FBXL20: variants seen among roughly 807,000 people sequenced by gnomAD.
FBXL20 encodes the protein F-box and leucine rich repeat protein 20.
A neutral mutation model predicts 64.0 loss-of-function variants in FBXL20; 11 were observed. That is an observed-to-expected ratio of 0.17 (90% CI 0.11 to 0.28). The LOEUF (loss-of-function observed/expected upper bound fraction) is 0.28, where lower values mean the gene tolerates loss of function less well. Among genes scored for constraint, FBXL20 ranks in the 10% least tolerant of loss-of-function variants. The pLI is 1.00. For missense variants in FBXL20, 303 were observed against 526.2 expected (o/e 0.58, Z 4.15); for synonymous variants, 184 against 189.0 (o/e 0.97, Z 0.22).
At chr17:39,350,894 T>A (rs1282199251) in intron 1 of FBXL20, among the ~76,000 whole-genome samples, 1 of 152,072 alleles carries the variant, frequency 6.6e-6, no homozygotes, top group Admixed American at 6.6e-5. Context: ...TGGGGCAATC[T>A]CTATTTTAAC....
At chr17:39,394,587 C>T (rs1339311911) in intron 1 of FBXL20, among the ~76,000 whole-genome samples, 2 of 146,808 alleles carry the variant, frequency 1.4e-5, no homozygotes, top group African/African-American at 2.5e-5. Context: ...TTTTTTAAGA[C>T]GGAGTCTCAT....
chr17:39,347,507 C>T (rs1399650854), intron 1 of FBXL20, among the ~76,000 whole-genome samples: 2 of 152,150 alleles, frequency 1.3e-5, no homozygotes, highest in Admixed American at 1.3e-4. Context: ...AGTGTCTGTT[C>T]ATATCCTTTG....
At chr17:39,289,998 CAAAAAAAAAAAAA>C (rs368530587) in intron 6 of FBXL20, among the ~76,000 whole-genome samples, 1,288 of 41,894 alleles carry the variant, frequency 0.031, 41 homozygotes, top group African/African-American at 0.088. Flanking sequence ...GACTCAGTCT[CAAAAAAAAAAAAA>C]AAAAAAAAAA....
Position 39,391,366 on chromosome 17 carries a change from C to T in FBXL20, c.42+9995G>A, listed in dbSNP as rs923994949. 7.3e-4 allele frequency among the ~76,000 whole-genome samples: 110 copies of T among 151,634 alleles called. 1 individual carries two copies. The highest frequency in any genetic ancestry group is 2.5e-3 in the African/African-American group (104 of 41,360). The stretch of plus-strand genomic sequence containing the variant: ...GCTTTTCTTTAATAGCAGATGTAAG[C>T]AAAGAAATCTAAGAACACTGGCAAT... On this transcript the variant is annotated intron_variant, in intron 1 of 14. Transcript: ENST00000264658.
chr17:39,337,034 G>C (rs1947697991), intron 2 of FBXL20, among the ~76,000 whole-genome samples: 2 of 150,802 alleles, frequency 1.3e-5, no homozygotes, highest in South Asian at 4.2e-4. Flanking sequence ...CTCTGATGCT[G>C]AGCCGAAGCT....
Position 39,256,884 on chromosome 17 carries a change from C to T in FBXL20, c.*4576G>A, listed in dbSNP as rs1169146237. The T allele has an allele frequency of 6.6e-6, 1 of 152,216 alleles. No homozygotes were observed. Among genetic ancestry groups the T allele is most frequent in the African/African-American group, 2.4e-5 (1 of 41,456 alleles). 9.4% of individuals were successfully genotyped at this position (152,216 alleles called of 1,614,324 possible). A position where few individuals can be genotyped will look rare whatever the true frequency, so the allele number is the denominator to read the frequency against. ...TCTTCTTTCCAGTGACACTCTCACA[C>T]TTTCTAACAACTTCAAACCAAGACA... On this transcript the variant is annotated 3_prime_UTR_variant, in exon 15 of 15. Coordinates refer to ENST00000264658, the MANE Select transcript of FBXL20 (RefSeq NM_032875.3).
chr17:39,373,580 G>C (rs534581855), intron 1 of FBXL20, among the ~76,000 whole-genome samples: 1 of 152,308 alleles, frequency 6.6e-6, no homozygotes, highest in South Asian at 2.1e-4. Context: ...GCAAGGATGA[G>C]GAATGCTTTT....
chr17:39,296,204 G>A (rs754992724), intron 6 of FBXL20, among the ~76,000 whole-genome samples: 1 of 152,006 alleles, frequency 6.6e-6, no homozygotes, highest in Non-Finnish European at 1.5e-5. Context: ...AGTAATGGTG[G>A]GGGAAGAGGT....
chr17:39,311,071 G>A (rs746271829), intron 2 of FBXL20, among the ~76,000 whole-genome samples: 1 of 152,026 alleles, frequency 6.6e-6, no homozygotes, highest in Non-Finnish European at 1.5e-5. Context: ...AGAGGCCAAG[G>A]TGGGAGGATC....
chr17:39,392,993 C>CAA (rs1234770475), intron 1 of FBXL20, among the ~76,000 whole-genome samples: 1 of 123,378 alleles, frequency 8.1e-6, no homozygotes, highest in Non-Finnish European at 1.7e-5. Context: ...AACTCCATCT[C>CAA]AAAAAAAAAA....
intron 11 of FBXL20, among the ~76,000 whole-genome samples, chr17:39,270,427 C>T (rs2046833806): frequency 6.6e-6 from 1 of 151,998 alleles, no homozygotes; most frequent in African/African-American, 2.4e-5. Flanking sequence ...GCTTGTAATC[C>T]CAGCTACTCG....
intron 1 of FBXL20, among the ~76,000 whole-genome samples, chr17:39,371,507 T>C (rs2047918270): frequency 6.6e-6 from 1 of 152,218 alleles, no homozygotes; most frequent in African/African-American, 2.4e-5. Flanking sequence ...ACTAATTGTA[T>C]AGACTTCTCA....
chr17:39,277,310 G>T (rs757049976), intron 9 of FBXL20, among the ~76,000 whole-genome samples: 1 of 152,182 alleles, frequency 6.6e-6, no homozygotes, highest in African/African-American at 2.4e-5. Flanking sequence ...AAAGAGGGAA[G>T]TAAGAATCAA....
rs1458054605 is a variant in FBXL20 at position 39,379,648 on chromosome 17, G to A, written c.42+21713C>T. ...TAAAAAAAATTAGCTGGGCGTGGTG[G>A]TACCCATCTGCCACTTAGCTACTTG... On this transcript the variant is annotated intron_variant, in intron 1 of 14. Transcript: ENST00000264658. Among the ~76,000 whole-genome samples the A allele has an allele frequency of 2.6e-5, 4 of 151,652 alleles. No individual in the cohort carries two copies. In the East Asian group the frequency reaches 7.8e-4, roughly 29 times the overall value.
intron 4 of FBXL20, among the ~76,000 whole-genome samples, chr17:39,300,055 C>A (rs959148507): frequency 6.6e-6 from 1 of 152,214 alleles, no homozygotes; most frequent in Non-Finnish European, 1.5e-5. Context: ...TGAGACCGCA[C>A]CACTGCACTC....
At chr17:39,314,143 G>A (rs994038633) in intron 2 of FBXL20, among the ~76,000 whole-genome samples, 1 of 152,054 alleles carries the variant, frequency 6.6e-6, no homozygotes, top group Non-Finnish European at 1.5e-5. Context: ...TTTCTCTATA[G>A]ATTTGCCTAT....
At chr17:39,399,021 G>A (rs2048215101) in intron 1 of FBXL20, among the ~76,000 whole-genome samples, 1 of 152,144 alleles carries the variant, frequency 6.6e-6, no homozygotes, top group African/African-American at 2.4e-5. Flanking sequence ...CTAACCCAGA[G>A]TGGGAGATTT....
At chr17:39,307,143 G>T (rs1203615759) in intron 2 of FBXL20, among the ~76,000 whole-genome samples, 1 of 152,200 alleles carries the variant, frequency 6.6e-6, no homozygotes, top group Admixed American at 6.5e-5. Flanking sequence ...GATTTGGAGG[G>T]TGGTGAGTTT....
chr17:39,329,245 C>A (rs1371396402), intron 2 of FBXL20, among the ~76,000 whole-genome samples: 4 of 152,164 alleles, frequency 2.6e-5, no homozygotes, highest in African/African-American at 7.2e-5. Context: ...AAGGATACTA[C>A]TTCTATGATA....
Sources: gnomAD v4.1 joint callset for allele counts (sites outside exome capture counted in the v4.1 genomes callset) on GRCh38, gnomAD v4.1.1 for gene constraint, MANE v1.5 for transcripts, NCBI Gene and HGNC (gene_info 2026-07-23, HGNC 2026-07-21) for gene names.